Variants in HTR2B observed in about 807,000 individuals in gnomAD.
The protein encoded by HTR2B is 5-HT 2B receptor.
HTR2B carries 31 observed loss-of-function variants against 39.8 expected under a neutral mutation model. That is an observed-to-expected ratio of 0.78 (90% confidence interval 0.58 to 1.05). The LOEUF is 1.05. HTR2B is among the 50% of genes least tolerant of loss of function. The probability of loss-of-function intolerance (pLI) is 0.00; values close to 1 mark genes in which losing one functional copy is unlikely to be tolerated. For missense variants in HTR2B, 562 were observed against 578.0 expected (o/e 0.97, Z 0.28); for synonymous variants, 210 against 207.1 (o/e 1.01, Z -0.12).
At chr2:231,113,297 G>C (rs1287898872) in intron 3 of HTR2B, among the ~76,000 whole-genome samples, 1 of 152,150 alleles carries the variant, frequency 6.6e-6, no homozygotes, top group African/African-American at 2.4e-5. Flanking sequence ...CAAAATGTTT[G>C]AGTTGTTATT....
intron 2 of HTR2B, among the ~76,000 whole-genome samples, chr2:231,120,507 A>G (rs1407709353): frequency 1.3e-5 from 2 of 152,244 alleles, no homozygotes; most frequent in African/African-American, 4.8e-5. Context: ...AAGAAGTGGC[A>G]GAAAAATTGA....
Position 231,109,310 on chromosome 2 carries a change from A to G in HTR2B, c.653T>C (p.Met218Thr). 1 of 1,614,148 alleles carries G rather than the reference A, an allele frequency of 6.2e-7. No individual in the cohort carries two copies. Among genetic ancestry groups the G allele is most frequent in the East Asian group, 2.2e-5 (1 of 44,868 alleles). The change falls in exon 4 of 4, where the codon ATG (methionine) becomes ACG (threonine). Residue 218 changes from methionine (M) to threonine (T), a missense_variant. Met to Thr is a moderately conservative substitution (Grantham distance 81, BLOSUM62 -1). Transcript: ENST00000258400. ...VLTKERFGDF[M>T]LFGSLAAFFT... ...GAAGGCAGCCAGTGAGCCAAAGAGC[A>G]TGAAATCGCCAAAACGTTCCTTTGT... is the stretch of plus-strand genomic sequence containing the variant.
intron 2 of HTR2B, among the ~76,000 whole-genome samples, chr2:231,120,811 G>C (rs1048250555): frequency 6.6e-6 from 1 of 152,114 alleles, no homozygotes; most frequent in Non-Finnish European, 1.5e-5. Flanking sequence ...AACCAAGAAC[G>C]CTTGTTTGTA....
At chr2:231,119,329 C>T (rs1214852383) in intron 2 of HTR2B, among the ~76,000 whole-genome samples, 1 of 152,166 alleles carries the variant, frequency 6.6e-6, no homozygotes, top group Non-Finnish European at 1.5e-5. Context: ...AATTTGCATG[C>T]AGTACTCTAC....
intron 2 of HTR2B, among the ~76,000 whole-genome samples, chr2:231,117,089 T>C (rs1695368759): frequency 6.6e-6 from 1 of 152,074 alleles, no homozygotes; most frequent in African/African-American, 2.4e-5. Context: ...CTAGAGACTT[T>C]CATTCTAAAA....
intron 2 of HTR2B, 24 bp downstream of exon 2, chr2:231,123,389 G>T (rs751143943): frequency 1.1e-5 from 17 of 1,513,418 alleles, no homozygotes; most frequent in African/African-American, 5.5e-5. Flanking sequence ...TGGTTTGATG[G>T]CACAAACAAA....
intron 2 of HTR2B, among the ~76,000 whole-genome samples, chr2:231,122,181 A>G (rs758886157): frequency 5.3e-5 from 8 of 152,134 alleles, no homozygotes; most frequent in Non-Finnish European, 1.0e-4. Flanking sequence ...AAGCAGTAGA[A>G]CTTTACTCAT....
In HTR2B at chr2:231,109,031, T is replaced by G. The variant is rs1349080953; in HGVS notation, c.932A>C (p.Lys311Thr). ...LMRRTSTIGK[K>T]SVQTISNEQR... ...TTCGTTGGAAATGGTCTGCACTGAC[T>G]TTTTCCCAATTGTGGATGTTCTTCG... Residue 311 changes from lysine (K) to threonine (T), a missense_variant, in exon 4 of 4, where the codon AAG becomes ACG. Transcript: ENST00000258400. 14 of 1,614,170 alleles carry G rather than the reference T, an allele frequency of 8.7e-6. No homozygotes were observed. Among genetic ancestry groups the G allele is most frequent in the Non-Finnish European group, 1.2e-5 (14 of 1,179,974 alleles).
chr2:231,116,622 C>T (rs1270521740), intron 2 of HTR2B, among the ~76,000 whole-genome samples: 4 of 151,374 alleles, frequency 2.6e-5, no homozygotes, highest in African/African-American at 9.8e-5. Context: ...CCACATACTC[C>T]TAATTGTGGG....
intron 2 of HTR2B, among the ~76,000 whole-genome samples, chr2:231,115,421 C>T (rs981498320): frequency 1.1e-4 from 17 of 152,018 alleles, no homozygotes; most frequent in Admixed American, 6.6e-4. Flanking sequence ...AATATTTCTT[C>T]CTAGGAACAA....
Position 231,123,802 on chromosome 2 carries a change from T to C in HTR2B, c.-38A>G, listed in dbSNP as rs374722927. The C allele has an allele frequency of 3.5e-5, 51 of 1,444,502 alleles. No homozygotes were observed. Among genetic ancestry groups the C allele is most frequent in the Non-Finnish European group, 4.5e-5 (46 of 1,026,112 alleles). 89.5% of individuals were successfully genotyped at this position (1,444,502 alleles called of 1,614,324 possible). Reference sequence around the variant, plus strand: ...TGTGATTCAATCCCGTTCCGAACAGTGGTCAGCATGGTTAGTAGCTAAGCT... The same window carrying C: ...TGTGATTCAATCCCGTTCCGAACAGCGGTCAGCATGGTTAGTAGCTAAGCT... On this transcript the variant is annotated 5_prime_UTR_variant, in exon 2 of 4. Transcript: ENST00000258400.
rs1052662926 is a variant in HTR2B at position 231,122,640 on chromosome 2, A to G, written c.352+773T>C. ...TCCAAATTTTATAACTAGAGATGAT[A>G]TGCAGAAATCTGGAACTACTTATAT... On this transcript the variant is annotated intron_variant, in intron 2 of 3. Coordinates refer to ENST00000258400, the MANE Select transcript of HTR2B (RefSeq NM_000867.5). 2.6e-5 allele frequency among the ~76,000 whole-genome samples: 4 copies of G among 152,156 alleles called. No homozygotes were observed. The East Asian group carries it at 7.7e-4, about 29-fold the overall frequency.
At position 231,111,561 on chromosome 2, in the gene HTR2B, A is replaced by G. The variant is rs538310171; in HGVS notation, c.554-2152T>C. 3.9e-5 allele frequency among the ~76,000 whole-genome samples: 6 copies of G among 152,348 alleles called. No individual in the cohort carries two copies. In the East Asian group the frequency reaches 7.7e-4, roughly 20 times the overall value. On this transcript the variant is annotated intron_variant, in intron 3 of 3. Coordinates refer to ENST00000258400, the MANE Select transcript of HTR2B (RefSeq NM_000867.5). The stretch of plus-strand genomic sequence containing the variant: ...TATTACCTAGAATAACTGTAAATCC[A>G]AAAGAAGAGAGTGAGCTCTCTTCAG...
chr2:231,118,233 T>C (rs1695410540), intron 2 of HTR2B, among the ~76,000 whole-genome samples: 1 of 152,132 alleles, frequency 6.6e-6, no homozygotes, highest in Admixed American at 6.5e-5. Context: ...ACTCAATAAA[T>C]GTTAGTGCTT....
Position 231,108,564 on chromosome 2 carries a change from TGAG to T in HTR2B, c.1396_1398del (p.Leu466del), listed in dbSNP as rs1214768280. 2 of 1,613,888 alleles carry T rather than the reference TGAG, an allele frequency of 1.2e-6. No homozygotes were observed. The highest frequency in any genetic ancestry group is 1.7e-6 in the Non-Finnish European group (2 of 1,179,976). On this transcript the variant is annotated inframe_deletion, in exon 4 of 4. Transcript: ENST00000258400. Reference sequence around the variant, plus strand: ...TCAGTTTTGTCACCTTCATTTTCAGTGAGGAGAAGCGTATCTAGTAGAATGATT... The same window carrying T: ...TCAGTTTTGTCACCTTCATTTTCAGTGAGAAGCGTATCTAGTAGAATGATT...
Position 231,123,630 on chromosome 2 carries a change from C to G in HTR2B, c.135G>C (p.Gln45His). Reference protein sequence around the residue: ...QTESIPEEMKQIVEEQGNKLH... With the variant: ...QTESIPEEMKHIVEEQGNKLH... ...GTTTATTTCCCTGTTCCTCAACAAT[C>G]TGTTTCATTTCCTCTGGTATTGATT... Residue 45 changes from glutamine to histidine, a missense_variant, in exon 2 of 4, where the codon CAG becomes CAC. Transcript: ENST00000258400. 1.2e-5 allele frequency: 19 copies of G among 1,614,136 alleles called. No homozygotes were observed. The highest frequency in any genetic ancestry group is 1.6e-5 in the Non-Finnish European group (19 of 1,179,954).
intron 3 of HTR2B, among the ~76,000 whole-genome samples, chr2:231,111,673 C>T (rs192246694): frequency 1.4e-4 from 21 of 152,274 alleles, no homozygotes; most frequent in Admixed American, 1.3e-3. Flanking sequence ...TTCTACAAGA[C>T]AAAGTGCAAT....
chr2:231,122,925 A>G (rs1309707788), intron 2 of HTR2B, among the ~76,000 whole-genome samples: 3 of 152,198 alleles, frequency 2.0e-5, no homozygotes, highest in Non-Finnish European at 4.4e-5. Flanking sequence ...CAAACTATTA[A>G]GAGCTATAAT....
In HTR2B at chr2:231,109,548, C is replaced by T. The variant is rs140777813; in HGVS notation, c.554-139G>A. 9 of 727,428 alleles carry T rather than the reference C, an allele frequency of 1.2e-5. No individual in the cohort carries two copies. The East Asian group carries it at 2.1e-4, about 17-fold the overall frequency. 45.1% of individuals were successfully genotyped at this position (727,428 alleles called of 1,614,324 possible). ...CTGGGACCCACAATGCAGGATTTGTCGAAGCATTCATCAGTGAAGATTTGA... is the reference window on the plus strand; with the variant it reads ...CTGGGACCCACAATGCAGGATTTGTTGAAGCATTCATCAGTGAAGATTTGA... On this transcript the variant is annotated intron_variant, in intron 3 of 3. Transcript: ENST00000258400.
Sources: allele counts gnomAD v4.1 joint callset (sites outside exome capture counted in the v4.1 genomes callset), GRCh38; gene constraint gnomAD v4.1.1; transcripts MANE v1.5; gene names NCBI Gene and HGNC (gene_info 2026-07-23, HGNC 2026-07-21).